The following GRXCR2 variants were observed in gnomAD, a reference collection of about 807,000 sequenced individuals.
GRXCR2 encodes glutaredoxin domain-containing cysteine-rich protein 2.
A neutral mutation model predicts 24.8 loss-of-function variants in GRXCR2; 23 were observed. That is an observed-to-expected ratio of 0.93 (90% CI 0.67 to 1.32). The LOEUF (loss-of-function observed/expected upper bound fraction) is 1.32, where lower values mean the gene tolerates loss of function less well. GRXCR2 is among the 40% of genes most tolerant of loss of function. The probability of loss-of-function intolerance (pLI) is 0.00; values close to 1 mark genes in which losing one functional copy is unlikely to be tolerated. For missense variants in GRXCR2, 315 were observed against 303.4 expected, an observed-to-expected ratio of 1.04 and a Z score of -0.28; for synonymous variants, 130 against 116.1, an observed-to-expected ratio of 1.12 and a Z score of -0.77.
chr5:145,896,452 C>T (rs1415946980), intron 2 of GRXCR2, among the ~76,000 whole-genome samples: 3 of 152,004 alleles, frequency 2.0e-5, no homozygotes, highest in Non-Finnish European at 4.4e-5. Context: ...AACAAACAAC[C>T]CCATCAGAAA....
chr5:145,892,780 A>C (rs1404726731), intron 2 of GRXCR2, among the ~76,000 whole-genome samples: 1 of 152,212 alleles, frequency 6.6e-6, no homozygotes, highest in East Asian at 1.9e-4. Context: ...AAGTACAAAG[A>C]ATGCCACAAA....
chr5:145,894,822 C>A (rs183940781), intron 2 of GRXCR2, among the ~76,000 whole-genome samples: 3 of 152,076 alleles, frequency 2.0e-5, no homozygotes, highest in Non-Finnish European at 2.9e-5. Context: ...CTGGCAGAGA[C>A]CCAATTAAAA....
upstream of GRXCR2, among the ~76,000 whole-genome samples, chr5:145,876,265 A>G (rs545527005): frequency 2.5e-4 from 37 of 145,904 alleles, no homozygotes; most frequent in African/African-American, 9.4e-4. Context: ...ATATAAATGT[A>G]ACAATTATTA....
upstream of GRXCR2, among the ~76,000 whole-genome samples, chr5:145,873,639 G>A (rs1377402787): frequency 1.3e-5 from 2 of 152,164 alleles, no homozygotes; most frequent in East Asian, 1.9e-4. Context: ...AGGGAATGAC[G>A]TCCTAGATAC....
chr5:145,867,094 A>C (rs1756451104), intron 1 of GRXCR2, among the ~76,000 whole-genome samples: 1 of 152,208 alleles, frequency 6.6e-6, no homozygotes, highest in Non-Finnish European at 1.5e-5. Context: ...TTATATAAAT[A>C]TCTCTCCAAT....
At chr5:145,894,263 A>T (rs1224832313) in intron 2 of GRXCR2, among the ~76,000 whole-genome samples, 4 of 152,232 alleles carry the variant, frequency 2.6e-5, no homozygotes, top group Admixed American at 6.5e-5. Flanking sequence ...AGCTAGCAGA[A>T]GGCAAGAAAT....
chr5:145,894,032 C>T (rs1225314064), intron 2 of GRXCR2, among the ~76,000 whole-genome samples: 3 of 152,020 alleles, frequency 2.0e-5, no homozygotes, highest in Non-Finnish European at 4.4e-5. Context: ...CCTGAATGAC[C>T]ACTGGGTGCA....
chr5:145,911,679 G>A (rs551043547), intron 2 of GRXCR2, among the ~76,000 whole-genome samples: 1 of 152,320 alleles, frequency 6.6e-6, no homozygotes, highest in Non-Finnish European at 1.5e-5. Context: ...CCCATAGCCA[G>A]ATTACTTTTC....
At chr5:145,883,657 C>T (rs1167383286) in intron 2 of GRXCR2, among the ~76,000 whole-genome samples, 3 of 152,112 alleles carry the variant, frequency 2.0e-5, no homozygotes, top group African/African-American at 7.2e-5. Flanking sequence ...CTTTGGGAGG[C>T]CGAGGCAGGT....
At chr5:145,887,820 A>G (rs1756798527) in intron 2 of GRXCR2, among the ~76,000 whole-genome samples, 1 of 152,246 alleles carries the variant, frequency 6.6e-6, no homozygotes, top group African/African-American at 2.4e-5. Flanking sequence ...TTGAAATATC[A>G]TAACTGTTTC....
At chr5:145,925,300 G>T (rs1337342601) in intron 2 of GRXCR2, among the ~76,000 whole-genome samples, 2 of 152,110 alleles carry the variant, frequency 1.3e-5, no homozygotes, top group African/African-American at 4.8e-5. Context: ...AAAACAGAAA[G>T]AATTCAGATA....
At position 145,859,780 on chromosome 5, in the gene GRXCR2, C is replaced by G. The variant is rs994990403; in HGVS notation, c.700G>C (p.Ala234Pro). 2.5e-6 allele frequency: 4 copies of G among 1,614,200 alleles called. No homozygotes were observed. The highest frequency in any genetic ancestry group is 3.4e-6 in the Non-Finnish European group (4 of 1,180,026). The change falls in exon 3 of 3, where the codon GCC (alanine) becomes CCC (proline). Residue 234 changes from alanine to proline, a missense_variant. Physicochemically the swap from Ala to Pro is conservative, Grantham distance 27. Transcript: ENST00000377976. The stretch of plus-strand genomic sequence containing the variant: ...GGCTGTAGGCCATTCTCATTGCAGG[C>G]AGGGCACCTCAGGGCCCGATAGGAC... Reference protein sequence around the residue: ...KESYRALRCPACNENGLQPCQ... With the variant: ...KESYRALRCPPCNENGLQPCQ...
chr5:145,914,685 A>G (rs1757212506), intron 2 of GRXCR2, among the ~76,000 whole-genome samples: 1 of 151,074 alleles, frequency 6.6e-6, no homozygotes, highest in Non-Finnish European at 1.5e-5. Context: ...CAAAAAAAAA[A>G]AAAAAAAAAA....
chr5:145,916,539 T>C (rs1019783205), intron 2 of GRXCR2, among the ~76,000 whole-genome samples: 10 of 152,194 alleles, frequency 6.6e-5, no homozygotes, highest in African/African-American at 1.9e-4. Flanking sequence ...GAAGGGAAAG[T>C]CCTCCTTGTC....
At position 145,865,010 on chromosome 5, in the gene GRXCR2, G is replaced by A. The variant is rs574552291; in HGVS notation, c.564+1491C>T. Among the ~76,000 whole-genome samples the A allele has an allele frequency of 2.2e-4, 34 of 152,244 alleles. 2 individuals are homozygous for A. In the East Asian group the frequency reaches 5.6e-3, roughly 25 times the overall value. The stretch of plus-strand genomic sequence containing the variant: ...AAAAGTAGATTTTAGAGAAATTGTG[G>A]AGAGGTAGATAGACTTATGATATGG... On this transcript the variant is annotated intron_variant, in intron 2 of 2. Coordinates refer to ENST00000377976, the MANE Select transcript of GRXCR2 (RefSeq NM_001080516.2).
At chr5:145,903,691 T>C (rs767438700) in intron 2 of GRXCR2, among the ~76,000 whole-genome samples, 1 of 152,176 alleles carries the variant, frequency 6.6e-6, no homozygotes, top group Non-Finnish European at 1.5e-5. Flanking sequence ...ATCCTACAAC[T>C]CTAACTGTGG....
chr5:145,885,186 T>C (rs906209176), intron 2 of GRXCR2, among the ~76,000 whole-genome samples: 4 of 152,094 alleles, frequency 2.6e-5, no homozygotes, highest in African/African-American at 9.7e-5. Context: ...GAAATACTGC[T>C]ACGGCAGAAG....
intron 2 of GRXCR2, among the ~76,000 whole-genome samples, chr5:145,927,877 G>T (rs2149930706): frequency 6.6e-6 from 1 of 152,182 alleles, no homozygotes; most frequent in East Asian, 1.9e-4. Context: ...AAAAGCAATG[G>T]CAACAAAAGC....
chr5:145,918,062 G>T (rs1304687917), intron 2 of GRXCR2, among the ~76,000 whole-genome samples: 2 of 152,190 alleles, frequency 1.3e-5, no homozygotes, highest in Non-Finnish European at 2.9e-5. Flanking sequence ...ATAGGCGTGA[G>T]CCACTGTGCT....
Sources: gnomAD v4.1 joint callset for allele counts (sites outside exome capture counted in the v4.1 genomes callset) on GRCh38, gnomAD v4.1.1 for gene constraint, MANE v1.5 for transcripts, NCBI Gene and HGNC (gene_info 2026-07-23, HGNC 2026-07-21) for gene names.